HLCS: variants seen among roughly 807,000 people sequenced by gnomAD.
HLCS encodes the protein holocarboxylase synthetase, also known as biotin--protein ligase.
In HLCS, 53 loss-of-function variants were observed where a neutral mutation model predicts 75.0. The ratio of observed to expected loss-of-function variants is 0.71; its 90% confidence interval spans 0.57 to 0.89. The LOEUF is 0.89. Among genes scored for constraint, HLCS ranks in the 40% least tolerant of loss-of-function variants. HLCS has a pLI of 0.00. For missense variants in HLCS, 966 were observed against 1,074.0 expected, an observed-to-expected ratio of 0.90 and a Z score of 1.41; for synonymous variants, 431 against 428.6, an observed-to-expected ratio of 1.01 and a Z score of -0.07.
In HLCS at chr21:36,750,172, C is replaced by A. The variant is rs149277768; in HGVS notation, c.*4074G>T. On this transcript the variant is annotated 3_prime_UTR_variant, in exon 11 of 11. Transcript: ENST00000674895. ...ATAGCGTTTCTTGACTTCTGTGAGG[C>A]TCCGGCAGGGGAAGAGGAAGCATTT... Among the ~76,000 whole-genome samples, 37 of 152,264 alleles carry A rather than the reference C, an allele frequency of 2.4e-4. No individual in the cohort carries two copies. The highest frequency in any genetic ancestry group is 5.9e-4 in the Admixed American group (9 of 15,298).
At chr21:36,889,086 T>C (rs998338207) in intron 6 of HLCS, among the ~76,000 whole-genome samples, 1 of 152,112 alleles carries the variant, frequency 6.6e-6, no homozygotes, top group Non-Finnish European at 1.5e-5. Flanking sequence ...ACCTCTCCAG[T>C]GCCTAACACA....
intron 6 of HLCS, among the ~76,000 whole-genome samples, chr21:36,882,453 GTT>G (rs1411135320): frequency 1.3e-5 from 2 of 151,504 alleles, no homozygotes; most frequent in Non-Finnish European, 2.9e-5. Flanking sequence ...GTTTTGTTTT[GTT>G]TTTGAAATAG....
chr21:36,763,373 G>A (rs567892741), intron 8 of HLCS, among the ~76,000 whole-genome samples: 12 of 152,176 alleles, frequency 7.9e-5, no homozygotes, highest in Non-Finnish European at 1.6e-4. Flanking sequence ...TCAAGGCCGG[G>A]CACCTGAAGC....
chr21:36,973,847 C>G (rs1472427917), intron 1 of HLCS: 1 of 152,188 alleles, frequency 6.6e-6, no homozygotes, highest in Non-Finnish European at 1.5e-5. Context: ...AAAAATTAGC[C>G]GGGCATGGTG....
At chr21:36,761,289 G>A (rs1431192939) in intron 8 of HLCS, among the ~76,000 whole-genome samples, 3 of 152,296 alleles carry the variant, frequency 2.0e-5, no homozygotes, top group African/African-American at 7.2e-5. Flanking sequence ...CCTATGCTAC[G>A]CGGCCTGTTG....
At chr21:36,770,713 A>G (rs1424901513) in intron 6 of HLCS, among the ~76,000 whole-genome samples, 4 of 151,892 alleles carry the variant, frequency 2.6e-5, no homozygotes, top group South Asian at 2.1e-4. Flanking sequence ...TGGGACCACT[A>G]TGGGTTCATA....
intron 1 of HLCS, 77 bp downstream of exon 1, chr21:36,966,367 C>A: frequency 3.0e-6 from 2 of 670,140 alleles, no homozygotes; most frequent in Non-Finnish European, 3.7e-6. Flanking sequence ...CCCGGGCTCC[C>A]GGCGGGGACG....
chr21:36,904,109 A>G (rs898107711), intron 5 of HLCS, among the ~76,000 whole-genome samples: 1 of 152,216 alleles, frequency 6.6e-6, no homozygotes, highest in South Asian at 2.1e-4. Context: ...TAAATTGCCC[A>G]ATCTCAGGTA....
rs1319031810 is a variant in HLCS at position 36,896,765 on chromosome 21, C to G, written c.1892+95G>C. Reference sequence around the variant, plus strand: ...CTAATAGGTCTGGTCAAACGTATTCCTCTACAACTCTATCCCCTCCCCGTC... The same window carrying G: ...CTAATAGGTCTGGTCAAACGTATTCGTCTACAACTCTATCCCCTCCCCGTC... On this transcript the variant is annotated intron_variant, in intron 6 of 10. Coordinates refer to ENST00000674895, the MANE Select transcript of HLCS (RefSeq NM_001352514.2). 3 of 1,402,490 alleles carry G rather than the reference C, an allele frequency of 2.1e-6. No individual in the cohort carries two copies. The East Asian group carries it at 6.8e-5, about 32-fold the overall frequency. The allele number at this position is 1,402,490 out of a possible 1,614,324, so 86.9% of individuals were successfully genotyped here.
At chr21:36,958,607 G>A (rs1208259020) in intron 2 of HLCS, among the ~76,000 whole-genome samples, 7 of 152,022 alleles carry the variant, frequency 4.6e-5, no homozygotes, top group Admixed American at 1.3e-4. Context: ...TGGGCAACAC[G>A]GTGAAACCCG....
chr21:36,877,311 TTG>T (rs1006860559), intron 6 of HLCS, among the ~76,000 whole-genome samples: 5 of 152,196 alleles, frequency 3.3e-5, no homozygotes, highest in African/African-American at 1.2e-4. Context: ...TCTCTTTTTT[TTG>T]TGTGTGTTTC....
intron 6 of HLCS, among the ~76,000 whole-genome samples, chr21:36,779,617 T>A (rs182100151): frequency 2.6e-5 from 4 of 152,338 alleles, no homozygotes; most frequent in African/African-American, 7.2e-5. Context: ...TCACACTTAC[T>A]AACTAGAGTT....
At chr21:36,887,219 G>A (rs778547504) in intron 6 of HLCS, among the ~76,000 whole-genome samples, 3 of 151,916 alleles carry the variant, frequency 2.0e-5, no homozygotes, top group Non-Finnish European at 4.4e-5. Flanking sequence ...CTAGCCTCCA[G>A]AACGGTGAGA....
intron 6 of HLCS, among the ~76,000 whole-genome samples, chr21:36,805,771 G>A (rs1029150147): frequency 2.2e-4 from 34 of 152,316 alleles, no homozygotes; most frequent in African/African-American, 7.2e-4. Context: ...CAGGAATGGT[G>A]TGAACAGACC....
rs1310027499 is a variant in HLCS at position 36,752,298 on chromosome 21, G to A, written c.*1948C>T. On this transcript the variant is annotated 3_prime_UTR_variant, in exon 11 of 11. Transcript: ENST00000674895. ...CACACTTCATTAGTTTTAATTTGCAGAAAGGAAATTAAATGATAACATTTT... is the reference window on the plus strand; with the variant it reads ...CACACTTCATTAGTTTTAATTTGCAAAAAGGAAATTAAATGATAACATTTT... 1.3e-5 allele frequency: 2 copies of A among 152,626 alleles called. No individual in the cohort carries two copies. Among genetic ancestry groups the A allele is most frequent in the African/African-American group, 4.8e-5 (2 of 41,448 alleles). 9.5% of individuals were successfully genotyped at this position (152,626 alleles called of 1,614,324 possible).
At chr21:36,966,724 C>T, upstream of HLCS, 1 of 586,486 alleles carries the variant, frequency 1.7e-6, no homozygotes, top group Non-Finnish European at 2.1e-6. Context: ...AAGGGCCGCG[C>T]CGCCCCCCCG....
intron 6 of HLCS, among the ~76,000 whole-genome samples, chr21:36,817,626 T>A (rs1041639823): frequency 4.6e-5 from 7 of 152,214 alleles, no homozygotes; most frequent in Non-Finnish European, 8.8e-5. Context: ...TAAAGGAGAC[T>A]GGAGTTCTGT....
intron 6 of HLCS, among the ~76,000 whole-genome samples, chr21:36,889,390 A>C (rs1392566151): frequency 6.6e-6 from 1 of 152,208 alleles, no homozygotes; most frequent in Non-Finnish European, 1.5e-5. Context: ...TAAGTCAATC[A>C]AAAAAGACGC....
intron 6 of HLCS, among the ~76,000 whole-genome samples, chr21:36,800,875 C>A (rs1317790026): frequency 6.6e-6 from 1 of 151,926 alleles, no homozygotes; most frequent in Admixed American, 6.6e-5. Context: ...GTGTTGGCTG[C>A]CATTTCTAAG....
Sources: allele counts gnomAD v4.1 joint callset (sites outside exome capture counted in the v4.1 genomes callset), GRCh38; gene constraint gnomAD v4.1.1; transcripts MANE v1.5; gene names NCBI Gene and HGNC (gene_info 2026-07-23, HGNC 2026-07-21).